The following PCDHA13 variants were observed in gnomAD, a reference collection of about 807,000 sequenced individuals.
PCDHA13 encodes the protein protocadherin alpha-13.
Under a neutral mutation model 64.8 loss-of-function variants are expected in PCDHA13, and 54 were observed. The ratio of observed to expected loss-of-function variants is 0.83; its 90% CI spans 0.67 to 1.04. The LOEUF (loss-of-function observed/expected upper bound fraction) is 1.04. Among genes scored for constraint, PCDHA13 ranks in the 50% least tolerant of loss-of-function variants. The pLI is 0.00. For synonymous variants in PCDHA13, 587 were observed against 564.4 expected (o/e 1.04, Z -0.57); for missense variants, 1,248 against 1,254.3 (o/e 0.99, Z 0.08).
At chr5:140,949,167 T>C (rs2094348737) in intron 1 of PCDHA13, among the ~76,000 whole-genome samples, 1 of 151,798 alleles carries the variant, frequency 6.6e-6, no homozygotes, top group Admixed American at 6.6e-5. Flanking sequence ...AATTCTCTTT[T>C]GGTCAGAGAA....
intron 1 of PCDHA13, among the ~76,000 whole-genome samples, chr5:140,915,331 T>G (rs1485344164): frequency 6.6e-6 from 1 of 152,184 alleles, no homozygotes; most frequent in Non-Finnish European, 1.5e-5. Context: ...TGTTATAATA[T>G]TCTGTGTTTT....
intron 1 of PCDHA13, among the ~76,000 whole-genome samples, chr5:140,890,087 A>G (rs1284769572): frequency 6.6e-6 from 1 of 152,170 alleles, no homozygotes; most frequent in African/African-American, 2.4e-5. Context: ...TGATAATGCA[A>G]ATTTATTCCC....
At chr5:140,943,613 C>G (rs1490811039) in intron 1 of PCDHA13, among the ~76,000 whole-genome samples, 1 of 152,026 alleles carries the variant, frequency 6.6e-6, no homozygotes, top group African/African-American at 2.4e-5. Context: ...GACTTTGATT[C>G]ATCTGCATAA....
chr5:140,900,015 A>C (rs2067686381), intron 1 of PCDHA13, among the ~76,000 whole-genome samples: 1 of 151,940 alleles, frequency 6.6e-6, no homozygotes, highest in African/African-American at 2.4e-5. Context: ...TCACTTTGTT[A>C]CCCAGTTTGG....
At position 140,925,289 on chromosome 5, in the gene PCDHA13, G is replaced by T. The variant is rs190990360; in HGVS notation, c.2394+40627G>T. Among the ~76,000 whole-genome samples, 1,224 of 152,222 alleles carry T rather than the reference G, an allele frequency of 8.0e-3. 6 individuals carry two copies. The highest frequency in any genetic ancestry group is 0.019 in the African/African-American group (790 of 41,540). On this transcript the variant is annotated intron_variant, in intron 1 of 3. Coordinates refer to ENST00000289272, the MANE Select transcript of PCDHA13 (RefSeq NM_018904.3). The stretch of plus-strand genomic sequence containing the variant: ...TGTGTTCAGATTTTGCCTTTCAAAT[G>T]TTTCATTATTGGGGCTTTGGACATA...
intron 2 of PCDHA13, among the ~76,000 whole-genome samples, chr5:140,980,561 C>T (rs1430874214): frequency 6.6e-6 from 1 of 151,974 alleles, no homozygotes; most frequent in Admixed American, 6.6e-5. Context: ...ACCCGGGAGG[C>T]GGAAGTTGCA....
chr5:140,933,666 T>C (rs1334972770), intron 1 of PCDHA13, among the ~76,000 whole-genome samples: 3 of 152,046 alleles, frequency 2.0e-5, no homozygotes, highest in Non-Finnish European at 4.4e-5. Context: ...TCTCTCTCTG[T>C]CTCTCTCACA....
intron 1 of PCDHA13, among the ~76,000 whole-genome samples, chr5:140,922,827 A>G (rs2081011863): frequency 1.3e-5 from 2 of 152,244 alleles, no homozygotes; most frequent in South Asian, 4.1e-4. Context: ...GCATACTGCT[A>G]ATAGATGTCC....
intron 3 of PCDHA13, among the ~76,000 whole-genome samples, chr5:140,994,545 A>T (rs1397619431): frequency 2.6e-5 from 4 of 152,074 alleles, no homozygotes; most frequent in African/African-American, 9.7e-5. Flanking sequence ...TCTACAAAAA[A>T]AATATAAAAA....
Position 140,982,513 on chromosome 5 carries a change from G to A in PCDHA13, c.2492G>A (p.Gly831Asp). Residue 831 changes from glycine (G) to aspartate (D), a missense_variant, in exon 3 of 4, where the codon GGT (glycine) becomes GAT (aspartate). Transcript: ENST00000289272. ...HLEEAGILRA[G>D]PGGPDQQWPT... is the part of the protein sequence containing the mutation. ...GAGGAGGCTGGCATTCTACGGGCTGGTCCAGGAGGGCCTGATCAGCAGTGG... is the reference window on the plus strand; with the variant it reads ...GAGGAGGCTGGCATTCTACGGGCTGATCCAGGAGGGCCTGATCAGCAGTGG... The A allele has an allele frequency of 6.2e-7, 1 of 1,614,194 alleles. No individual in the cohort carries two copies. Among genetic ancestry groups the A allele is most frequent in the Non-Finnish European group, 8.5e-7 (1 of 1,180,032 alleles).
chr5:140,922,072 A>G (rs1390677282), intron 1 of PCDHA13, among the ~76,000 whole-genome samples: 1 of 152,198 alleles, frequency 6.6e-6, no homozygotes. Flanking sequence ...AATCCCACTA[A>G]GCAAAAAGTG....
intron 1 of PCDHA13, chr5:140,927,894 C>A (rs372774238): frequency 1.2e-6 from 2 of 1,614,208 alleles, no homozygotes; most frequent in East Asian, 2.2e-5. Context: ...CTGACGTGAA[C>A]GATCATGCCC....
At chr5:140,950,006 G>A (rs2094439907) in intron 1 of PCDHA13, among the ~76,000 whole-genome samples, 1 of 151,676 alleles carries the variant, frequency 6.6e-6, no homozygotes, top group African/African-American at 2.4e-5. Context: ...ACTTAATAGT[G>A]TACAACCTTC....
At chr5:140,924,312 T>G (rs752006188) in intron 1 of PCDHA13, among the ~76,000 whole-genome samples, 84 of 152,338 alleles carry the variant, frequency 5.5e-4, no homozygotes, top group Non-Finnish European at 7.9e-4. Context: ...TCCTTTAATT[T>G]TATCTGAGAC....
At chr5:140,982,711 A>T (rs370595783) in intron 3 of PCDHA13, 148 bp downstream of exon 3, 2 of 1,370,268 alleles carry the variant, frequency 1.5e-6, no homozygotes, top group African/African-American at 2.9e-5. Context: ...TTCCTTACAT[A>T]TATGATTATT....
chr5:140,952,767 A>T (rs912245909), intron 1 of PCDHA13, among the ~76,000 whole-genome samples: 13 of 152,298 alleles, frequency 8.5e-5, no homozygotes, highest in African/African-American at 2.9e-4. Flanking sequence ...GAGACTGGAT[A>T]ATTTAGAAAG....
At chr5:140,935,363 C>T (rs1005942314) in intron 1 of PCDHA13, among the ~76,000 whole-genome samples, 3 of 152,180 alleles carry the variant, frequency 2.0e-5, no homozygotes, top group African/African-American at 7.2e-5. Flanking sequence ...TTTTCATTAA[C>T]GTCAACAGAA....
chr5:140,983,801 T>G (rs1386165689), intron 3 of PCDHA13, among the ~76,000 whole-genome samples: 1 of 152,214 alleles, frequency 6.6e-6, no homozygotes, highest in Non-Finnish European at 1.5e-5. Context: ...AATGTGTGTG[T>G]AAAAGGTTTT....
intron 1 of PCDHA13, chr5:140,928,828 C>G (rs199775949): frequency 6.2e-7 from 1 of 1,614,160 alleles, no homozygotes. Context: ...AGACCCACCA[C>G]TTTCCTCCTC....
Sources: allele counts gnomAD v4.1 joint callset (sites outside exome capture counted in the v4.1 genomes callset), GRCh38; gene constraint gnomAD v4.1.1; transcripts MANE v1.5; gene names NCBI Gene and HGNC (gene_info 2026-07-23, HGNC 2026-07-21).